GRIK1: variants seen among roughly 807,000 people sequenced by gnomAD.
The protein encoded by GRIK1 is glutamate receptor ionotropic, kainate 1.
In GRIK1, 69 loss-of-function variants were observed where a neutral mutation model predicts 105.7. The observed-to-expected ratio is 0.65, with a 90% CI of 0.54 to 0.80. The LOEUF is 0.80. Among genes scored for constraint, GRIK1 ranks in the 30% least tolerant of loss-of-function variants. GRIK1 has a pLI of 0.00. For synonymous variants in GRIK1, 438 were observed against 431.3 expected (o/e 1.02, Z -0.19); for missense variants, 1,109 against 1,167.3 (o/e 0.95, Z 0.73).
At chr21:29,790,082 G>A (rs937500756) in intron 1 of GRIK1, among the ~76,000 whole-genome samples, 3 of 151,862 alleles carry the variant, frequency 2.0e-5, no homozygotes, top group African/African-American at 4.8e-5. Flanking sequence ...GTGGAGTCTC[G>A]CTGTATCACC....
chr21:29,933,184 G>A (rs1027551788), intron 1 of GRIK1, among the ~76,000 whole-genome samples: 2 of 152,030 alleles, frequency 1.3e-5, no homozygotes, highest in African/African-American at 2.4e-5. Flanking sequence ...AGTATGTGCA[G>A]GTTTTTACAT....
At chr21:29,560,370 TTCCTTCCTTCCTTCCTTC>T (rs2090398672) in intron 15 of GRIK1, among the ~76,000 whole-genome samples, 1 of 37,060 alleles carries the variant, frequency 2.7e-5, no homozygotes, top group African/African-American at 1.2e-4. Flanking sequence ...TCTTTCTTCC[TTCCTTCCTTCCTTCCTTC>T]CTTCCTTCCT....
intron 1 of GRIK1, among the ~76,000 whole-genome samples, chr21:29,749,507 G>T (rs1482527958): frequency 6.6e-6 from 1 of 152,154 alleles, no homozygotes; most frequent in Admixed American, 6.5e-5. Context: ...GCTCCCATTG[G>T]ATTCCACATA....
At chr21:29,811,975 G>A in intron 1 of GRIK1, among the ~76,000 whole-genome samples, 1 of 151,992 alleles carries the variant, frequency 6.6e-6, no homozygotes, top group East Asian at 1.9e-4. Context: ...TCTCCCTGGA[G>A]AACTCTCCAA....
chr21:29,554,999 A>T, intron 16 of GRIK1, 53 bp downstream of exon 16: 1 of 1,467,978 alleles, frequency 6.8e-7, no homozygotes, highest in South Asian at 1.2e-5. Context: ...CCCCAAACTT[A>T]AGACAGATAA....
chr21:29,805,786 T>C (rs1379015538), intron 1 of GRIK1, among the ~76,000 whole-genome samples: 1 of 152,140 alleles, frequency 6.6e-6, no homozygotes, highest in Admixed American at 6.6e-5. Context: ...TCATCAGTGT[T>C]TGAGGTAACC....
At chr21:29,602,329 A>T (rs183540442) in intron 7 of GRIK1, among the ~76,000 whole-genome samples, 1 of 152,342 alleles carries the variant, frequency 6.6e-6, no homozygotes, top group East Asian at 1.9e-4. Flanking sequence ...CTGGCTGGGG[A>T]GAAAAGACTA....
chr21:29,795,066 C>T (rs376912347), intron 1 of GRIK1, among the ~76,000 whole-genome samples: 15 of 117,500 alleles, frequency 1.3e-4, no homozygotes, highest in Non-Finnish European at 2.3e-4. Flanking sequence ...GATGGAGTCT[C>T]CCTCTGTCAC....
intron 1 of GRIK1, among the ~76,000 whole-genome samples, chr21:29,884,829 A>G (rs912686591): frequency 1.2e-4 from 18 of 152,050 alleles, no homozygotes; most frequent in African/African-American, 4.3e-4. Context: ...GCATAAAGTT[A>G]TGATTACTTA....
intron 16 of GRIK1, among the ~76,000 whole-genome samples, chr21:29,548,239 TCAA>T (rs2090077344): frequency 6.6e-6 from 1 of 152,210 alleles, no homozygotes; most frequent in Non-Finnish European, 1.5e-5. Flanking sequence ...ACAACAAAGT[TCAA>T]ATTCTGCAGG....
At chr21:29,567,586 T>C (rs1419383814) in intron 14 of GRIK1, among the ~76,000 whole-genome samples, 7 of 152,162 alleles carry the variant, frequency 4.6e-5, no homozygotes, top group Non-Finnish European at 4.4e-5. Context: ...TGTAAATATA[T>C]GCATATAGAA....
At chr21:29,896,344 C>G (rs755104052) in intron 1 of GRIK1, among the ~76,000 whole-genome samples, 2 of 152,120 alleles carry the variant, frequency 1.3e-5, no homozygotes, top group African/African-American at 4.8e-5. Flanking sequence ...CAATATTTTC[C>G]TTCTCTGCTT....
intron 16 of GRIK1, among the ~76,000 whole-genome samples, chr21:29,538,306 T>C (rs775883767): frequency 2.6e-5 from 4 of 152,168 alleles, no homozygotes; most frequent in Non-Finnish European, 5.9e-5. Context: ...TCTAGTGATA[T>C]GAGCCAGCAC....
intron 1 of GRIK1, among the ~76,000 whole-genome samples, chr21:29,842,147 C>T (rs373322186): frequency 7.9e-5 from 12 of 152,148 alleles, no homozygotes; most frequent in Middle Eastern, 6.8e-3. Flanking sequence ...TTGATAAATA[C>T]GCCGTTTTGA....
chr21:29,576,655 G>A (rs998857624), intron 14 of GRIK1, among the ~76,000 whole-genome samples: 1 of 151,608 alleles, frequency 6.6e-6, no homozygotes, highest in African/African-American at 2.4e-5. Context: ...TGGTTAGATT[G>A]TATTCAGATT....
At chr21:29,675,390 A>G (rs185530386) in intron 3 of GRIK1, among the ~76,000 whole-genome samples, 47 of 152,016 alleles carry the variant, frequency 3.1e-4, no homozygotes, top group African/African-American at 1.1e-3. Flanking sequence ...TTTCATGACC[A>G]TGACCACAAG....
intron 7 of GRIK1, among the ~76,000 whole-genome samples, chr21:29,627,640 T>G (rs1267733328): frequency 1.3e-5 from 2 of 152,218 alleles, no homozygotes; most frequent in Non-Finnish European, 2.9e-5. Context: ...CCAAATCAGT[T>G]CTTACACCTC....
In GRIK1 at chr21:29,673,069, G is replaced by T; in HGVS notation, c.640C>A (p.Pro214Thr). The T allele has an allele frequency of 1.2e-6, 2 of 1,610,938 alleles. No homozygotes were observed. The highest frequency in any genetic ancestry group is 1.7e-6 in the Non-Finnish European group (2 of 1,177,194). Residue 214 changes from proline (P) to threonine (T), a missense_variant, in exon 4 of 18, where the codon CCT becomes ACT. Pro to Thr is a conservative substitution (Grantham distance 38). This residue lies in a region of GRIK1 where 612 missense variants were observed against 586.0 expected (regional missense o/e 1.04). Coordinates refer to ENST00000327783, the MANE Select transcript of GRIK1 (RefSeq NM_001330994.2). ...CCTTTCTTCATCTCCTTGAGTAAAG[G>T]CTTGGCATCTTTATTCCCAGAGGGC... is the stretch of plus-strand genomic sequence containing the variant. ...QLPSGNKDAK[P>T]LLKEMKKGKE... is the part of the protein sequence containing the mutation.
At chr21:29,808,120 A>G (rs1315247447) in intron 1 of GRIK1, among the ~76,000 whole-genome samples, 1 of 152,162 alleles carries the variant, frequency 6.6e-6, no homozygotes, top group East Asian at 1.9e-4. Context: ...AGCCCAGATT[A>G]CCATTTTCAT....
Sources: allele counts gnomAD v4.1 joint callset (sites outside exome capture counted in the v4.1 genomes callset), GRCh38; gene constraint gnomAD v4.1.1; regional missense constraint gnomAD v4.1.1; transcripts MANE v1.5; gene names NCBI Gene and HGNC (gene_info 2026-07-23, HGNC 2026-07-21).